ACAA1: variants seen among roughly 807,000 people sequenced by gnomAD.
The protein encoded by ACAA1 is 3-ketoacyl-CoA thiolase, peroxisomal.
Under a neutral mutation model 48.8 loss-of-function variants are expected in ACAA1, and 44 were observed. That is an observed-to-expected ratio of 0.90 (90% confidence interval 0.71 to 1.16). The LOEUF is 1.16. Ranked by LOEUF, ACAA1 falls within the 50% of genes most tolerant of loss-of-function variation. The pLI, the probability that ACAA1 is intolerant of heterozygous loss-of-function variation, is 0.00. For synonymous variants in ACAA1, 233 were observed against 226.5 expected (o/e 1.03, Z -0.26); for missense variants, 512 against 562.3 (o/e 0.91, Z 0.90).
At position 38,126,898 on chromosome 3, in the gene ACAA1, G is replaced by A. The variant is rs1005319459; in HGVS notation, c.627-198C>T. 3.9e-5 allele frequency among the ~76,000 whole-genome samples: 6 copies of A among 152,158 alleles called. No individual in the cohort carries two copies. The highest frequency in any genetic ancestry group is 1.2e-4 in the African/African-American group (5 of 41,456). On this transcript the variant is annotated intron_variant, in intron 7 of 11. Transcript: ENST00000333167. This position sits in a 1 kb window ranked among gnomAD's most constrained non-coding sequence, Gnocchi z 4.7. ...ATCAGCCCCAGACCTCCAGATCGTG[G>A]CCAATCCCAACCTCAAAGGGGGGAA... is the stretch of plus-strand genomic sequence containing the variant.
chr3:38,123,329 T>G (rs537430597), intron 11 of ACAA1: 1 of 577,902 alleles, frequency 1.7e-6, no homozygotes, highest in African/African-American at 1.9e-5. Context: ...GGCTGGCCCT[T>G]AAGGAAAACA....
Position 38,122,957 on chromosome 3 carries a change from T to C in ACAA1, c.*90A>G, listed in dbSNP as rs1019334733. ...ACTGCCACCACCACCAGTGCTGAGT[T>C]TTCCCATGTGGTTTTGCTTTTGTGG... On this transcript the variant is annotated 3_prime_UTR_variant, in exon 12 of 12. Coordinates refer to ENST00000333167, the MANE Select transcript of ACAA1 (RefSeq NM_001607.4). 7.4e-7 allele frequency: 1 copy of C among 1,354,050 alleles called. No individual in the cohort carries two copies. The highest frequency in any genetic ancestry group is 1.0e-6 in the Non-Finnish European group (1 of 953,014). The allele number at this position is 1,354,050 out of a possible 1,614,324, so 83.9% of individuals were successfully genotyped here. A position where few individuals can be genotyped will look rare whatever the true frequency, so the allele number is the denominator to read the frequency against.
In ACAA1 at chr3:38,129,489, G is replaced by A. The variant is rs866126607; in HGVS notation, c.447-101C>T. ...TTGGCAAGTGCTAGGAAATAGCCAG[G>A]GAGCCCTAGGAAGACCAGTGGGCCT... On this transcript the variant is annotated intron_variant, in intron 5 of 11. Coordinates refer to ENST00000333167, the MANE Select transcript of ACAA1 (RefSeq NM_001607.4). This position sits in a 1 kb window ranked among gnomAD's most constrained non-coding sequence, Gnocchi z 5.3. 1.1e-4 allele frequency: 99 copies of A among 935,884 alleles called. No homozygotes were observed. The African/African-American group carries it at 1.4e-3, about 13-fold the overall frequency. The allele number at this position is 935,884 out of a possible 1,614,324, so 58.0% of individuals were successfully genotyped here.
chr3:38,129,913 A>G lies in ACAA1; in HGVS notation c.447-525T>C, dbSNP rs1020587500. ...TAAAAATACAAAACATTAGCCGGGC[A>G]TGGTGGCAGGCGCCAGGGTGGGAGG... On this transcript the variant is annotated intron_variant, in intron 5 of 11. Transcript: ENST00000333167. The surrounding 1 kb of genome is among the most constrained non-coding windows in gnomAD (Gnocchi z 5.3). Among the ~76,000 whole-genome samples the G allele has an allele frequency of 5.3e-4, 80 of 152,300 alleles. No homozygotes were observed. Among genetic ancestry groups the G allele is most frequent in the African/African-American group, 1.9e-3 (80 of 41,560 alleles).
chr3:38,124,828 T>G (rs1367771251), intron 11 of ACAA1: 1 of 152,202 alleles, frequency 6.6e-6, no homozygotes, highest in Non-Finnish European at 1.5e-5. Context: ...AAAAAAAGTG[T>G]GTCCCGGCTC....
intron 11 of ACAA1, 105 bp from the exon 12 acceptor site, chr3:38,123,227 C>T: frequency 9.0e-7 from 1 of 1,115,412 alleles, no homozygotes; most frequent in South Asian, 1.3e-5. Flanking sequence ...GCAAAACCAT[C>T]AGACCAGATC....
Position 38,136,575 on chromosome 3 carries a change from C to T in ACAA1, c.265+17G>A. 1 of 1,613,774 alleles carries T rather than the reference C, an allele frequency of 6.2e-7. No individual in the cohort carries two copies. The highest frequency in any genetic ancestry group is 2.2e-5 in the East Asian group (1 of 44,872). On this transcript the variant is annotated intron_variant, in intron 2 of 11. Coordinates refer to ENST00000333167, the MANE Select transcript of ACAA1 (RefSeq NM_001607.4). ...GAACGGGGAAGGCCCAGCGCAGGGC[C>T]TGAGTGGTTCGCTCACCGACACAGA...
chr3:38,134,823 C>G (rs1396445547), intron 2 of ACAA1, among the ~76,000 whole-genome samples: 5 of 152,170 alleles, frequency 3.3e-5, no homozygotes, highest in Admixed American at 3.3e-4. Context: ...TCCAAGGTTT[C>G]CCCCCACTGA....
At chr3:38,131,551 T>C in intron 5 of ACAA1, 45 bp downstream of exon 5, 1 of 1,599,882 alleles carries the variant, frequency 6.3e-7, no homozygotes, top group Non-Finnish European at 8.6e-7. Flanking sequence ...ATTAGTTTTA[T>C]TGTCACAAGT....
chr3:38,130,354 T>C (rs1356283028), intron 5 of ACAA1, among the ~76,000 whole-genome samples: 1 of 152,250 alleles, frequency 6.6e-6, no homozygotes. Flanking sequence ...CATTTATTCT[T>C]CTCAACTTCA....
chr3:38,131,581 GA>G lies in ACAA1; in HGVS notation c.446+14del. ...ACAAGTTGGTTAATAAGCTCCGGCA[GA>G]AAAAAATTCTTACCCACAGGCCATG... On this transcript the variant is annotated intron_variant, in intron 5 of 11. Transcript: ENST00000333167. 6.2e-7 allele frequency: 1 copy of G among 1,613,884 alleles called. No homozygotes were observed. The highest frequency in any genetic ancestry group is 1.3e-5 in the African/African-American group (1 of 75,026).
intron 4 of ACAA1, 38 bp downstream of exon 4, chr3:38,131,888 A>G (rs769168524): frequency 6.3e-7 from 1 of 1,578,064 alleles, no homozygotes; most frequent in East Asian, 2.2e-5. Flanking sequence ...CCAAACCCAC[A>G]GGTCCAGGAC....
In ACAA1 at chr3:38,127,866, C is replaced by T; in HGVS notation, c.546G>A (p.Gly182=). Residue 182 remains glycine (G), a splice_region_variant and synonymous_variant, in exon 7 of 12, where the codon GGG becomes GGA. Transcript: ENST00000333167. ...EKARDCLIPM[G]ITSENVAERF... ...GCTCAGCCACATTCTCAGAGGTTAT[C>T]CTAGAACACAAACAGCAGATAGTGT... is the stretch of plus-strand genomic sequence containing the variant. 6.2e-7 allele frequency: 1 copy of T among 1,614,136 alleles called. No homozygotes were observed. Among genetic ancestry groups the T allele is most frequent in the Non-Finnish European group, 8.5e-7 (1 of 1,180,006 alleles).
rs1700680690 is a variant in ACAA1, at chr3:38,126,268, G to A, written c.891C>T (p.Gly297=). 1 of 1,614,186 alleles carries A rather than the reference G, an allele frequency of 6.2e-7. No individual in the cohort carries two copies. Among genetic ancestry groups the A allele is most frequent in the Admixed American group, 1.7e-5 (1 of 60,032 alleles). ...ACCTCAGGACCCCAAGGATGGGAAG[G>A]CCCAACTCTTCTGCCTTGGACCTCC... ...LARRSKAEEL[G]LPILGVLRSY... Residue 297 remains glycine, a synonymous_variant, in exon 9 of 12, where the codon GGC becomes GGT. Transcript: ENST00000333167. This position sits in a 1 kb window ranked among gnomAD's most constrained non-coding sequence, Gnocchi z 4.7.
intron 2 of ACAA1, among the ~76,000 whole-genome samples, chr3:38,136,295 G>A (rs1700891175): frequency 6.6e-6 from 1 of 151,910 alleles, no homozygotes; most frequent in African/African-American, 2.4e-5. Context: ...CCCCCACACT[G>A]CCGCACTCCC....
chr3:38,129,355 G>A lies in ACAA1; in HGVS notation c.480C>T (p.Asn160=), dbSNP rs775011311. The A allele has an allele frequency of 8.7e-6, 14 of 1,614,030 alleles. No individual in the cohort carries two copies. Among genetic ancestry groups the A allele is most frequent in the African/African-American group, 1.3e-5 (1 of 74,916 alleles). ...VESMSLADRG[N]PGNITSRLME... ...TCAAGCGCGAAGTAATATTTCCAGG[G>A]TTCCCTCTGTCAGCCAGGGACATGG... is the stretch of plus-strand genomic sequence containing the variant. The change falls in exon 6 of 12, where the codon AAC becomes AAT. Residue 160 remains asparagine (N), a synonymous_variant. Transcript: ENST00000333167. The surrounding 1 kb of genome is among the most constrained non-coding windows in gnomAD (Gnocchi z 5.3).
chr3:38,136,885 C>A lies in ACAA1; in HGVS notation c.151G>T (p.Ala51Ser), dbSNP rs1700914491. 2 of 1,527,234 alleles carry A rather than the reference C, an allele frequency of 1.3e-6. No homozygotes were observed. Among genetic ancestry groups the A allele is most frequent in the Non-Finnish European group, 1.8e-6 (2 of 1,142,152 alleles). The allele number at this position is 1,527,234 out of a possible 1,614,324, so 94.6% of individuals were successfully genotyped here. A position where few individuals can be genotyped will look rare whatever the true frequency, so the allele number is the denominator to read the frequency against. The part of the protein sequence containing the change: ...VHGRRTAICR[A>S]GRGGFKDTTP... The stretch of plus-strand genomic sequence containing the variant: ...CTCACCTTGAAGCCGCCGCGGCCCG[C>A]CCGGCAGATGGCCGTGCGCCGCCCG... The change falls in exon 1 of 12, where the codon GCG (alanine) becomes TCG (serine). Residue 51 changes from alanine (A) to serine (S), a missense_variant. Transcript: ENST00000333167.
Position 38,129,446 on chromosome 3 carries a change from C to A in ACAA1, c.447-58G>T. ...TGAACTGGGCCCTAGCAGGACTCCT[C>A]CAGAGATAGCTGAACACTTGGCAAG... On this transcript the variant is annotated intron_variant, in intron 5 of 11. Coordinates refer to ENST00000333167, the MANE Select transcript of ACAA1 (RefSeq NM_001607.4). This position sits in a 1 kb window ranked among gnomAD's most constrained non-coding sequence, Gnocchi z 5.3. 7.4e-7 allele frequency: 1 copy of A among 1,350,698 alleles called. No homozygotes were observed. 83.7% of individuals were successfully genotyped at this position (1,350,698 alleles called of 1,614,324 possible).
intron 11 of ACAA1, 21 bp downstream of exon 11, chr3:38,125,544 C>T (rs1372920340): frequency 6.6e-7 from 1 of 1,521,666 alleles, no homozygotes; most frequent in Non-Finnish European, 8.8e-7. Context: ...TATGACCCCA[C>T]CGCCAGGAGC....
Sources: gnomAD v4.1 joint callset for allele counts (sites outside exome capture counted in the v4.1 genomes callset) on GRCh38, gnomAD v4.1.1 for gene constraint, Gnocchi (gnomAD v3.1) non-coding constraint, MANE v1.5 for transcripts, NCBI Gene and HGNC (gene_info 2026-07-23, HGNC 2026-07-21) for gene names.